Variants in IGF2BP3 observed in about 807,000 individuals in gnomAD.
The protein encoded by IGF2BP3 is insulin-like growth factor 2 mRNA-binding protein 3.
A neutral mutation model predicts 73.8 loss-of-function variants in IGF2BP3; 9 were observed. That is an observed-to-expected ratio of 0.12 (90% CI 0.07 to 0.21). The LOEUF (loss-of-function observed/expected upper bound fraction) is 0.21, where lower values mean the gene tolerates loss of function less well. Ranked by LOEUF, IGF2BP3 falls within the 10% of genes least tolerant of loss-of-function variation. The probability of loss-of-function intolerance (pLI) is 1.00; values close to 1 mark genes in which losing one functional copy is unlikely to be tolerated. For missense variants in IGF2BP3, 542 were observed against 714.0 expected (o/e 0.76, Z 2.75); for synonymous variants, 258 against 256.7 (o/e 1.01, Z -0.05).
chr7:23,416,662 T>A (rs944282662), intron 3 of IGF2BP3, among the ~76,000 whole-genome samples: 3 of 152,236 alleles, frequency 2.0e-5, no homozygotes, highest in Non-Finnish European at 4.4e-5. Flanking sequence ...ACTCAATGCC[T>A]AATCTTCCAT....
intron 10 of IGF2BP3, among the ~76,000 whole-genome samples, chr7:23,321,065 G>A (rs996211135): frequency 2.6e-5 from 4 of 152,114 alleles, no homozygotes; most frequent in Admixed American, 6.6e-5. Flanking sequence ...TCGGGAGGGA[G>A]GAGCCAAGAT....
intron 2 of IGF2BP3, among the ~76,000 whole-genome samples, chr7:23,426,959 A>G (rs1787529124): frequency 6.6e-6 from 1 of 152,222 alleles, no homozygotes; most frequent in South Asian, 2.1e-4. Flanking sequence ...AAGCATACTA[A>G]GTATAGTAAA....
intron 3 of IGF2BP3, among the ~76,000 whole-genome samples, chr7:23,412,690 C>T (rs1562737075): frequency 6.6e-6 from 1 of 152,100 alleles, no homozygotes; most frequent in Non-Finnish European, 1.5e-5. Flanking sequence ...TCTTCCTTTA[C>T]ATAAGGTCTT....
chr7:23,378,296 G>GA (rs1218093488), intron 3 of IGF2BP3, among the ~76,000 whole-genome samples: 1 of 143,046 alleles, frequency 7.0e-6, no homozygotes, highest in Non-Finnish European at 1.5e-5. Flanking sequence ...TATAATTTTA[G>GA]AATCAGGAAG....
At chr7:23,353,724 A>G (rs1785023014) in intron 5 of IGF2BP3, among the ~76,000 whole-genome samples, 1 of 152,202 alleles carries the variant, frequency 6.6e-6, no homozygotes, top group African/African-American at 2.4e-5. Context: ...GTCAGAGGGC[A>G]TTCTTTTCAT....
intron 5 of IGF2BP3, among the ~76,000 whole-genome samples, chr7:23,353,067 A>G (rs568631781): frequency 6.4e-4 from 98 of 152,276 alleles, no homozygotes; most frequent in African/African-American, 2.2e-3. Context: ...TCCCCAGTGC[A>G]CAACAAAATG....
chr7:23,430,337 C>T (rs1276385861), intron 2 of IGF2BP3, among the ~76,000 whole-genome samples: 1 of 152,168 alleles, frequency 6.6e-6, no homozygotes, highest in Non-Finnish European at 1.5e-5. Context: ...CCCGCCTCGG[C>T]GGGATTACAG....
intron 2 of IGF2BP3, among the ~76,000 whole-genome samples, chr7:23,437,067 T>C (rs1787823230): frequency 6.6e-6 from 1 of 151,508 alleles, no homozygotes; most frequent in Non-Finnish European, 1.5e-5. Context: ...TGCAGTGAGC[T>C]GAGATCGTGC....
At chr7:23,455,522 A>G (rs1341826602) in intron 2 of IGF2BP3, among the ~76,000 whole-genome samples, 1 of 152,196 alleles carries the variant, frequency 6.6e-6, no homozygotes, top group African/African-American at 2.4e-5. Flanking sequence ...ATACCCTATG[A>G]CATATTGACA....
At chr7:23,446,346 G>A (rs1029138401) in intron 2 of IGF2BP3, among the ~76,000 whole-genome samples, 2 of 152,130 alleles carry the variant, frequency 1.3e-5, no homozygotes, top group African/African-American at 2.4e-5. Context: ...TGGATTACCC[G>A]AAGTCAGGAG....
chr7:23,404,311 T>C (rs749738457), intron 3 of IGF2BP3, among the ~76,000 whole-genome samples: 5 of 152,108 alleles, frequency 3.3e-5, no homozygotes, highest in Non-Finnish European at 7.4e-5. Flanking sequence ...ACACATCAAA[T>C]ATAGGCCTTC....
At chr7:23,346,750 G>C (rs543723043) in intron 7 of IGF2BP3, among the ~76,000 whole-genome samples, 1 of 151,772 alleles carries the variant, frequency 6.6e-6, no homozygotes, top group Non-Finnish European at 1.5e-5. Context: ...ATGCCACCAC[G>C]CTCATCTAAT....
chr7:23,317,990 A>T (rs887297466), intron 11 of IGF2BP3, among the ~76,000 whole-genome samples: 7 of 152,068 alleles, frequency 4.6e-5, no homozygotes, highest in Non-Finnish European at 1.0e-4. Flanking sequence ...TATTACCTCC[A>T]CTTCACAAAT....
chr7:23,410,263 G>A (rs1033738524), intron 3 of IGF2BP3, among the ~76,000 whole-genome samples: 1 of 152,144 alleles, frequency 6.6e-6, no homozygotes, highest in South Asian at 2.1e-4. Flanking sequence ...AGGCTGAGAT[G>A]GGAGAATCAC....
intron 3 of IGF2BP3, among the ~76,000 whole-genome samples, chr7:23,384,137 G>C (rs1253942169): frequency 6.6e-6 from 1 of 150,752 alleles, no homozygotes; most frequent in Non-Finnish European, 1.5e-5. Context: ...CTGGATACAG[G>C]CAACAACATT....
At chr7:23,448,821 G>A (rs1161215515) in intron 2 of IGF2BP3, among the ~76,000 whole-genome samples, 1 of 151,954 alleles carries the variant, frequency 6.6e-6, no homozygotes, top group Non-Finnish European at 1.5e-5. Context: ...TAGTAGAGAT[G>A]GGGTTTCACC....
rs149151173 is a variant in IGF2BP3, at chr7:23,315,309, T to C, written c.1396-1656A>G. Among the ~76,000 whole-genome samples the C allele has an allele frequency of 1.3e-3, 192 of 152,150 alleles. 4 individuals carry two copies. In the East Asian group the frequency reaches 0.03, roughly 24 times the overall value. On this transcript the variant is annotated intron_variant, in intron 12 of 14. Transcript: ENST00000258729. The stretch of plus-strand genomic sequence containing the variant: ...TTTTAGTAGAGATGGAGTTTTGCCA[T>C]GTAGGCCAGGCTGGTCTGGAACTCC...
intron 2 of IGF2BP3, among the ~76,000 whole-genome samples, chr7:23,467,002 C>T (rs1033686007): frequency 1.8e-4 from 27 of 152,148 alleles, no homozygotes; most frequent in African/African-American, 5.8e-4. Context: ...CTAACCAATT[C>T]AGGCTATGGC....
chr7:23,321,098 T>C (rs1784131249), intron 10 of IGF2BP3, among the ~76,000 whole-genome samples: 1 of 152,156 alleles, frequency 6.6e-6, no homozygotes, highest in South Asian at 2.1e-4. Context: ...ACAGCTCCAG[T>C]CTACAGCTCC....
Sources: gnomAD v4.1 joint callset for allele counts (sites outside exome capture counted in the v4.1 genomes callset) on GRCh38, gnomAD v4.1.1 for gene constraint, MANE v1.5 for transcripts, NCBI Gene and HGNC (gene_info 2026-07-23, HGNC 2026-07-21) for gene names.